TMEM222: variants seen among roughly 807,000 people sequenced by gnomAD.
The protein encoded by TMEM222 is transmembrane protein 222, also known as chromosome 1 open reading frame 160.
Under a neutral mutation model 25.1 loss-of-function variants are expected in TMEM222, and 18 were observed. The observed-to-expected ratio is 0.72, with a 90% CI of 0.50 to 1.06. The LOEUF (loss-of-function observed/expected upper bound fraction) is 1.06. Among genes scored for constraint, TMEM222 ranks in the 50% least tolerant of loss-of-function variants. TMEM222 has a pLI of 0.00. For synonymous variants in TMEM222, 131 were observed against 117.9 expected, an observed-to-expected ratio of 1.11 and a Z score of -0.72; for missense variants, 296 against 293.7, an observed-to-expected ratio of 1.01 and a Z score of -0.06.
At chr1:27,332,041 C>G (rs201967242) in intron 2 of TMEM222, 29 bp from the exon 3 acceptor site, 12 of 1,614,146 alleles carry the variant, frequency 7.4e-6, no homozygotes, top group Non-Finnish European at 9.3e-6. Flanking sequence ...GTAAGTTCCT[C>G]ACTGACCTCT....
At chr1:27,322,961 C>T (rs2014243249) in intron 1 of TMEM222, among the ~76,000 whole-genome samples, 1 of 152,174 alleles carries the variant, frequency 6.6e-6, no homozygotes, top group African/African-American at 2.4e-5. Flanking sequence ...TCTGTAACAT[C>T]AGCCTTTGTC....
chr1:27,324,772 G>A (rs1378474492), intron 1 of TMEM222, among the ~76,000 whole-genome samples: 1 of 152,188 alleles, frequency 6.6e-6, no homozygotes, highest in Non-Finnish European at 1.5e-5. Flanking sequence ...GGCAAAGGGG[G>A]AGGGAGGCAT....
chr1:27,328,982 G>T (rs2014417079), intron 1 of TMEM222, among the ~76,000 whole-genome samples: 1 of 152,166 alleles, frequency 6.6e-6, no homozygotes, highest in East Asian at 1.9e-4. Context: ...ATGGTTCTCA[G>T]AACACAGACA....
chr1:27,331,689 G>C (rs972173354), intron 2 of TMEM222, among the ~76,000 whole-genome samples: 2 of 152,254 alleles, frequency 1.3e-5, no homozygotes, highest in African/African-American at 4.8e-5. Flanking sequence ...GTTGAGTCAG[G>C]AGGCCAGACC....
chr1:27,326,417 G>A (rs927225877), intron 1 of TMEM222, among the ~76,000 whole-genome samples: 2 of 151,740 alleles, frequency 1.3e-5, no homozygotes, highest in Admixed American at 6.6e-5. Context: ...TGCAATTCTC[G>A]ATTCTTTAAG....
chr1:27,325,344 C>T, intron 1 of TMEM222: 1 of 786,350 alleles, frequency 1.3e-6, no homozygotes, highest in East Asian at 2.6e-5. Context: ...GGACTTCGAG[C>T]AGGAGATGGC....
At chr1:27,331,142 G>A in intron 2 of TMEM222, 4 of 1,163,452 alleles carry the variant, frequency 3.4e-6, no homozygotes, top group Non-Finnish European at 4.3e-6. Flanking sequence ...CAGAAGGTGG[G>A]AGTCAAGGTG....
chr1:27,334,799 C>T (rs753258053), intron 5 of TMEM222: 11 of 1,105,434 alleles, frequency 1.0e-5, no homozygotes, highest in East Asian at 6.9e-5. Flanking sequence ...CTCTTAGCCA[C>T]GTTCATCATT....
chr1:27,334,757 T>C, intron 5 of TMEM222: 1 of 1,211,672 alleles, frequency 8.3e-7, no homozygotes, highest in Non-Finnish European at 1.1e-6. Context: ...CAGCATAGGT[T>C]AGTGCTGATC....
intron 5 of TMEM222, 70 bp from the exon 6 acceptor site, chr1:27,335,309 T>C: frequency 1.3e-6 from 2 of 1,497,390 alleles, no homozygotes; most frequent in Non-Finnish European, 1.9e-6. Context: ...CTGTGGGTGC[T>C]CAGGGCTGCG....
In TMEM222 at chr1:27,322,178, CGGAGCGGGGCGCGCGCCG is replaced by C. The variant is rs2148009142; in HGVS notation, c.-19_-2del. 7.3e-7 allele frequency: 1 copy of C among 1,374,176 alleles called. No individual in the cohort carries two copies. The highest frequency in any genetic ancestry group is 9.5e-7 in the Non-Finnish European group (1 of 1,052,596). The allele number at this position is 1,374,176 out of a possible 1,614,324, so 85.1% of individuals were successfully genotyped here. On this transcript the variant is annotated 5_prime_UTR_variant, in exon 1 of 6. Coordinates refer to ENST00000374076, the MANE Select transcript of TMEM222 (RefSeq NM_032125.3). The stretch of plus-strand genomic sequence containing the variant: ...GAGCGGCACCAGAGCCGGGGCCAGT[CGGAGCGGGGCGCGCGCCG>C]CATGGCGGAAGCGGAAGGGAGTTCT...
At chr1:27,330,662 G>A (rs915328642) in intron 1 of TMEM222, 58 bp from the exon 2 acceptor site, 17 of 1,450,020 alleles carry the variant, frequency 1.2e-5, no homozygotes, top group Middle Eastern at 1.7e-4. Context: ...CCCAGCGTCC[G>A]TCTAACTGGC....
intron 1 of TMEM222, chr1:27,325,748 GGAGTATGAC>G: frequency 2.3e-6 from 2 of 868,184 alleles, no homozygotes; most frequent in Non-Finnish European, 2.0e-6. Flanking sequence ...TTAGCAAGCA[GGAGTATGAC>G]GAGTCAGGCC....
chr1:27,325,568 C>T, intron 1 of TMEM222: 1 of 1,138,958 alleles, frequency 8.8e-7, no homozygotes, highest in Non-Finnish European at 1.3e-6. Context: ...TAGGGCTATC[C>T]AGAGGCACCA....
chr1:27,334,741 G>C (rs549463024), intron 5 of TMEM222: 1 of 1,257,660 alleles, frequency 8.0e-7, no homozygotes, highest in African/African-American at 1.5e-5. Context: ...GCCCAGACTC[G>C]TGAGCCAGCA....
chr1:27,335,534 A>AT lies in TMEM222; in HGVS notation c.*75dup. 37 of 1,530,240 alleles carry AT rather than the reference A, an allele frequency of 2.4e-5. No individual in the cohort carries two copies. Among genetic ancestry groups the AT allele is most frequent in the Non-Finnish European group, 3.0e-5 (33 of 1,108,548 alleles). The allele number at this position is 1,530,240 out of a possible 1,614,324, so 94.8% of individuals were successfully genotyped here. A position where few individuals can be genotyped will look rare whatever the true frequency, so the allele number is the denominator to read the frequency against. On this transcript the variant is annotated 3_prime_UTR_variant, in exon 6 of 6. Transcript: ENST00000374076. ...CAGCCGCCATCCCTTTTGGTTCCAG[A>AT]TTTTTTTCTCCTCACCCCAAAAGGC...
intron 1 of TMEM222, among the ~76,000 whole-genome samples, chr1:27,322,596 T>G (rs2014232094): frequency 6.6e-6 from 1 of 152,150 alleles, no homozygotes; most frequent in Admixed American, 6.5e-5. Context: ...TCAATACACC[T>G]GGTGTAGCCA....
chr1:27,326,842 C>T (rs936643295), intron 1 of TMEM222, among the ~76,000 whole-genome samples: 1 of 152,078 alleles, frequency 6.6e-6, no homozygotes, highest in African/African-American at 2.4e-5. Context: ...GTCCACAAAG[C>T]GGCTCTGGAG....
Position 27,334,155 on chromosome 1 carries a change from A to C in TMEM222, c.413A>C (p.Asn138Thr). The C allele has an allele frequency of 1.9e-6, 3 of 1,614,134 alleles. No homozygotes were observed. Among genetic ancestry groups the C allele is most frequent in the Non-Finnish European group, 2.5e-6 (3 of 1,180,012 alleles). The stretch of plus-strand genomic sequence containing the variant: ...CAGCCCTTCTGGTGCCTCCAGCACA[A>C]TCTCTGCTGTGACAACTGCCACTCG... ...ASEEYKHRMH[N>T]LCCDNCHSHV... is the part of the protein sequence containing the mutation. Residue 138 changes from asparagine (N) to threonine (T), a missense_variant, in exon 5 of 6, where the codon AAT becomes ACT. By Grantham distance (65) the Asn-to-Thr change is moderately conservative. Transcript: ENST00000374076.
Sources: allele counts gnomAD v4.1 joint callset (sites outside exome capture counted in the v4.1 genomes callset), GRCh38; gene constraint gnomAD v4.1.1; transcripts MANE v1.5; gene names NCBI Gene and HGNC (gene_info 2026-07-23, HGNC 2026-07-21).